Variants in CCSER1 observed in about 807,000 individuals in gnomAD.
The protein encoded by CCSER1 is serine-rich coiled-coil domain-containing protein 1.
A neutral mutation model predicts 82.0 loss-of-function variants in CCSER1; 41 were observed. That is an observed-to-expected ratio of 0.50 (90% CI 0.39 to 0.65). The LOEUF is 0.65. Ranked by LOEUF, CCSER1 falls within the 30% of genes least tolerant of loss-of-function variation. CCSER1 has a pLI of 0.00. For synonymous variants in CCSER1, 414 were observed against 383.9 expected (o/e 1.08, Z -0.92); for missense variants, 1,119 against 1,064.2 (o/e 1.05, Z -0.72).
At chr4:91,255,293 C>A (rs1740599008) in intron 10 of CCSER1, among the ~76,000 whole-genome samples, 2 of 152,092 alleles carry the variant, frequency 1.3e-5, no homozygotes, top group South Asian at 4.2e-4. Flanking sequence ...AACTCACAGA[C>A]CTCTTATAAC....
intron 3 of CCSER1, among the ~76,000 whole-genome samples, chr4:90,381,024 G>A (rs952937178): frequency 7.9e-5 from 12 of 152,238 alleles, no homozygotes; most frequent in Non-Finnish European, 1.6e-4. Flanking sequence ...GCACCCAGGA[G>A]TGCTGGCCCA....
chr4:91,450,452 A>G (rs1755808741), intron 10 of CCSER1, among the ~76,000 whole-genome samples: 1 of 152,048 alleles, frequency 6.6e-6, no homozygotes, highest in African/African-American at 2.4e-5. Context: ...AACAACTAAA[A>G]ATCTTGATAC....
intron 10 of CCSER1, among the ~76,000 whole-genome samples, chr4:91,474,439 T>C (rs1268030619): frequency 1.3e-5 from 2 of 151,764 alleles, no homozygotes; most frequent in Non-Finnish European, 2.9e-5. Flanking sequence ...GATATGGATA[T>C]AGAATTTTAC....
At chr4:91,216,702 A>G (rs1292700662) in intron 10 of CCSER1, among the ~76,000 whole-genome samples, 1 of 152,072 alleles carries the variant, frequency 6.6e-6, no homozygotes, top group Non-Finnish European at 1.5e-5. Flanking sequence ...ATACTTTCCT[A>G]TATTATTTTA....
chr4:90,627,238 A>T (rs1395823371), intron 5 of CCSER1, among the ~76,000 whole-genome samples: 1 of 152,288 alleles, frequency 6.6e-6, no homozygotes, highest in Non-Finnish European at 1.5e-5. Context: ...CTAGTAATTT[A>T]TAAATTCAGT....
Position 90,534,414 on chromosome 4 carries a change from C to T in CCSER1, c.1724+66060C>T, listed in dbSNP as rs112186660. Among the ~76,000 whole-genome samples the T allele has an allele frequency of 3.5e-3, 533 of 150,964 alleles. 3 individuals carry two copies. The highest frequency in any genetic ancestry group is 0.029 in the South Asian group (137 of 4,762). On this transcript the variant is annotated intron_variant, in intron 5 of 10. Transcript: ENST00000509176. ...GAAGTGCTGGGATTACAGGCGTGAG[C>T]CACCGAGCCCAGGCTGTGCCAGCCT...
At chr4:91,288,148 G>GTA (rs36157572) in intron 10 of CCSER1, among the ~76,000 whole-genome samples, 19,318 of 101,576 alleles carry the variant, frequency 0.19, 1,365 homozygotes, top group Middle Eastern at 0.26. Context: ...ATATACACTC[G>GTA]TATATATATA....
chr4:90,169,899 C>G (rs1731304265), intron 1 of CCSER1, among the ~76,000 whole-genome samples: 1 of 151,900 alleles, frequency 6.6e-6, no homozygotes. Flanking sequence ...ATTTTCCAGG[C>G]TTAGGCTTCT....
chr4:91,061,557 T>A (rs2148737356), intron 9 of CCSER1, among the ~76,000 whole-genome samples: 1 of 152,048 alleles, frequency 6.6e-6, no homozygotes, highest in African/African-American at 2.4e-5. Flanking sequence ...TTTTTTTCTG[T>A]CTAACTTAAG....
Position 90,127,401 on chromosome 4 carries a change from C to A in CCSER1, c.-472C>A, listed in dbSNP as rs910135525. On this transcript the variant is annotated 5_prime_UTR_variant, in exon 1 of 11. Coordinates refer to ENST00000509176, the MANE Select transcript of CCSER1 (RefSeq NM_001145065.2). ...CTTGGGCCCGCCCTCCTCACAGCCC[C>A]GGAGCGCGGCCTGCCGGGGAGGTGG... 2 of 152,304 alleles carry A rather than the reference C, an allele frequency of 1.3e-5. No homozygotes were observed. The highest frequency in any genetic ancestry group is 2.9e-5 in the Non-Finnish European group (2 of 68,144). The allele number at this position is 152,304 out of a possible 1,614,324, so 9.4% of individuals were successfully genotyped here.
At chr4:90,558,117 T>A (rs1185357596) in intron 5 of CCSER1, among the ~76,000 whole-genome samples, 1 of 152,166 alleles carries the variant, frequency 6.6e-6, no homozygotes, top group Non-Finnish European at 1.5e-5. Context: ...GTGCTTGAAT[T>A]AATGAAAAGC....
At chr4:90,829,799 G>A (rs1175911296) in intron 8 of CCSER1, among the ~76,000 whole-genome samples, 7 of 152,290 alleles carry the variant, frequency 4.6e-5, no homozygotes, top group African/African-American at 1.2e-4. Context: ...TCTGTTTCCC[G>A]TAATTCTTTC....
At chr4:91,575,767 A>G (rs1459479660) in intron 10 of CCSER1, among the ~76,000 whole-genome samples, 1 of 152,132 alleles carries the variant, frequency 6.6e-6, no homozygotes, top group East Asian at 1.9e-4. Context: ...CACCATCACT[A>G]ATAATCAGGG....
At chr4:91,387,112 T>A (rs1189335601) in intron 10 of CCSER1, among the ~76,000 whole-genome samples, 1 of 152,044 alleles carries the variant, frequency 6.6e-6, no homozygotes, top group African/African-American at 2.4e-5. Context: ...ATGTTAAATT[T>A]TCTGAAGTTG....
chr4:90,880,252 A>G (rs938798071), intron 8 of CCSER1, among the ~76,000 whole-genome samples: 1 of 152,164 alleles, frequency 6.6e-6, no homozygotes, highest in Non-Finnish European at 1.5e-5. Context: ...CCCAACCTGG[A>G]AACACCAGAG....
chr4:91,207,246 T>A (rs150443853), intron 10 of CCSER1, among the ~76,000 whole-genome samples: 1 of 151,874 alleles, frequency 6.6e-6, no homozygotes, highest in East Asian at 1.9e-4. Flanking sequence ...CAGGTGTACA[T>A]GTGCAGGTTT....
chr4:90,256,149 C>T (rs1169408109), intron 1 of CCSER1, among the ~76,000 whole-genome samples: 1 of 152,088 alleles, frequency 6.6e-6, no homozygotes, highest in Non-Finnish European at 1.5e-5. Flanking sequence ...GTTCCATGTC[C>T]ATCTGAAGTT....
chr4:91,442,088 C>A (rs1755203779), intron 10 of CCSER1, among the ~76,000 whole-genome samples: 1 of 151,934 alleles, frequency 6.6e-6, no homozygotes, highest in South Asian at 2.1e-4. Flanking sequence ...ATCAAGCTAC[C>A]AATGACTTTC....
At chr4:91,328,337 G>C (rs1746709639) in intron 10 of CCSER1, among the ~76,000 whole-genome samples, 1 of 152,206 alleles carries the variant, frequency 6.6e-6, no homozygotes, top group Admixed American at 6.5e-5. Context: ...CAAAGGTAAA[G>C]GGGAAGTAAG....
Sources: allele counts gnomAD v4.1 joint callset (sites outside exome capture counted in the v4.1 genomes callset), GRCh38; gene constraint gnomAD v4.1.1; transcripts MANE v1.5; gene names NCBI Gene and HGNC (gene_info 2026-07-23, HGNC 2026-07-21).